The following CAPN14 variants were observed in gnomAD, a reference collection of about 807,000 sequenced individuals.
CAPN14 encodes calpain-14.
In CAPN14, 94 loss-of-function variants were observed where a neutral mutation model predicts 101.3. The observed-to-expected ratio is 0.93, with a 90% CI of 0.79 to 1.10. CAPN14 has a LOEUF of 1.10. Ranked by LOEUF, CAPN14 falls within the 50% of genes least tolerant of loss-of-function variation. The probability of loss-of-function intolerance (pLI) is 0.00; values close to 1 mark genes in which losing one functional copy is unlikely to be tolerated. For missense variants in CAPN14, 837 were observed against 828.4 expected (o/e 1.01, Z -0.13); for synonymous variants, 338 against 317.9 (o/e 1.06, Z -0.67).
intron 1 of CAPN14, among the ~76,000 whole-genome samples, chr2:31,207,933 G>A (rs2148696015): frequency 6.6e-6 from 1 of 152,292 alleles, no homozygotes; most frequent in East Asian, 1.9e-4. Flanking sequence ...AGTGATGTAT[G>A]CACAGAAGCC....
In CAPN14 at chr2:31,201,895, A is replaced by C. The variant is rs1247927616; in HGVS notation, c.518T>G (p.Phe173Cys). 3 of 1,551,622 alleles carry C rather than the reference A, an allele frequency of 1.9e-6. No homozygotes were observed. The highest frequency in any genetic ancestry group is 2.6e-6 in the Non-Finnish European group (3 of 1,147,008). The change falls in exon 5 of 22, where the codon TTC becomes TGC. Residue 173 changes from phenylalanine (F) to cysteine (C), a missense_variant. By Grantham distance (205) the Phe-to-Cys change is radical (BLOSUM62 -2). Transcript: ENST00000403897. The stretch of plus-strand genomic sequence containing the variant: ...GGCCTTTTCCAGAAGTGCTCCCCAG[A>C]ACAAGTTCTTATAGGTGGAGGAGAC... The part of the protein sequence containing the change: ...VFVSSTYKNL[F>C]WGALLEKAYA...
intron 11 of CAPN14, 39 bp downstream of exon 11, chr2:31,191,896 G>A (rs754517045): frequency 2.9e-4 from 442 of 1,499,524 alleles, no homozygotes; most frequent in Non-Finnish European, 3.6e-4. Context: ...TGACCCCCAC[G>A]CTTGGTCCCA....
chr2:31,197,245 T>C lies in CAPN14; in HGVS notation c.875+4A>G. The C allele has an allele frequency of 6.5e-7, 1 of 1,548,508 alleles. No homozygotes were observed. On this transcript the variant is annotated splice_donor_region_variant and intron_variant, in intron 8 of 21. Transcript: ENST00000403897. ...CACCCCTCCAAGATGTCCCCAAAGT[T>C]CACCTGTCACTCCAGTCTCCTTTCC...
chr2:31,191,967 G>T lies in CAPN14; in HGVS notation c.1246C>A (p.Pro416Thr), dbSNP rs1320588177. The T allele has an allele frequency of 2.4e-5, 38 of 1,551,362 alleles. No homozygotes were observed. The East Asian group carries it at 7.3e-4, about 30-fold the overall frequency. Residue 416 changes from proline (P) to threonine (T), a missense_variant, in exon 11 of 22, where the codon CCT becomes ACT. Transcript: ENST00000403897. ...AGGTAGAAGCCAATGGCGAGGAGAGGCTTCCGCTTGCGGCACCTGTGCCTG... is the reference window on the plus strand; with the variant it reads ...AGGTAGAAGCCAATGGCGAGGAGAGTCTTCCGCTTGCGGCACCTGTGCCTG... ...KPRHRCRKRK[P>T]LLAIGFYLYR... is the part of the protein sequence containing the mutation.
intron 20 of CAPN14, 42 bp downstream of exon 20, chr2:31,176,984 G>C (rs1169181337): frequency 7.3e-7 from 1 of 1,376,168 alleles, no homozygotes; most frequent in East Asian, 2.5e-5. Context: ...TCATGGGGCA[G>C]CAGAGGAAGA....
chr2:31,196,691 A>G (rs930654533), intron 8 of CAPN14, among the ~76,000 whole-genome samples: 2 of 152,142 alleles, frequency 1.3e-5, no homozygotes, highest in East Asian at 3.9e-4. Flanking sequence ...CAAAACCCGC[A>G]TTTCTTTAGG....
At chr2:31,194,524 G>T in intron 8 of CAPN14, 41 bp from the exon 9 acceptor site, 1 of 1,403,074 alleles carries the variant, frequency 7.1e-7, no homozygotes, top group Non-Finnish European at 9.9e-7. Context: ...TGGGGAGCAT[G>T]CTAGAAATTC....
intron 1 of CAPN14, among the ~76,000 whole-genome samples, chr2:31,205,886 G>A (rs1262579681): frequency 1.3e-5 from 2 of 152,000 alleles, no homozygotes; most frequent in Non-Finnish European, 2.9e-5. Context: ...CCAAGGTAGT[G>A]GGGAGTAGTG....
chr2:31,203,238 G>C, intron 2 of CAPN14, 99 bp from the exon 3 acceptor site: 1 of 867,830 alleles, frequency 1.2e-6, no homozygotes, highest in African/African-American at 1.7e-5. Flanking sequence ...TGTACTTATG[G>C]GGACAAAGAT....
chr2:31,209,321 A>G (rs923785061), intron 1 of CAPN14, among the ~76,000 whole-genome samples: 1 of 151,998 alleles, frequency 6.6e-6, no homozygotes, highest in African/African-American at 2.4e-5. Context: ...TCAGGCTTTG[A>G]TCTTCACTTC....
chr2:31,204,584 G>A (rs1572423249), intron 2 of CAPN14, among the ~76,000 whole-genome samples: 1 of 152,082 alleles, frequency 6.6e-6, no homozygotes. Context: ...ATCATGCCTA[G>A]GTAATAAAGC....
At chr2:31,179,535 G>A (rs1680489047) in intron 17 of CAPN14, among the ~76,000 whole-genome samples, 1 of 152,190 alleles carries the variant, frequency 6.6e-6, no homozygotes, top group Non-Finnish European at 1.5e-5. Flanking sequence ...AAACATACAT[G>A]TGCATGTGTC....
chr2:31,176,981 G>T, intron 20 of CAPN14, 45 bp downstream of exon 20: 1 of 1,346,786 alleles, frequency 7.4e-7, no homozygotes, highest in Non-Finnish European at 1.0e-6. Context: ...AAGTCATGGG[G>T]CAGCAGAGGA....
chr2:31,185,923 T>C (rs538601287), intron 16 of CAPN14, among the ~76,000 whole-genome samples: 3 of 152,220 alleles, frequency 2.0e-5, no homozygotes, highest in Non-Finnish European at 2.9e-5. Flanking sequence ...TAAGCCTTTC[T>C]AATAATTTAC....
At chr2:31,203,422 A>C (rs962239356) in intron 2 of CAPN14, among the ~76,000 whole-genome samples, 1 of 152,210 alleles carries the variant, frequency 6.6e-6, no homozygotes, top group African/African-American at 2.4e-5. Context: ...GTTTCTATTA[A>C]AAATGGAAAC....
At chr2:31,177,389 G>C (rs1680358540) in intron 19 of CAPN14, among the ~76,000 whole-genome samples, 1 of 152,186 alleles carries the variant, frequency 6.6e-6, no homozygotes, top group Non-Finnish European at 1.5e-5. Context: ...TATGTTACCA[G>C]CCTTCAATGA....
chr2:31,201,782 C>A, intron 5 of CAPN14, 80 bp downstream of exon 5: 1 of 1,506,100 alleles, frequency 6.6e-7, no homozygotes, highest in Non-Finnish European at 9.0e-7. Context: ...TAAACTTTAC[C>A]TGACTCCACT....
rs190025338 is a variant in CAPN14 at position 31,205,592 on chromosome 2, C to T, written c.-52-93G>A. 7.3e-4 allele frequency: 514 copies of T among 700,024 alleles called. 3 individuals carry two copies. In the African/African-American group the frequency reaches 7.5e-3, roughly 10 times the overall value. The allele number at this position is 700,024 out of a possible 1,614,324, so 43.4% of individuals were successfully genotyped here. On this transcript the variant is annotated intron_variant, in intron 1 of 21. Coordinates refer to ENST00000403897, the MANE Select transcript of CAPN14 (RefSeq NM_001145122.2). ...AGGGGAAGGATGGAGAGAATGGGAG[C>T]GGAGAAGTCAGCTGGTGAGAAAGAG...
In CAPN14 at chr2:31,191,396, C is replaced by G. The variant is rs1363041942; in HGVS notation, c.1287+3G>C. On this transcript the variant is annotated splice_donor_region_variant and intron_variant, in intron 12 of 21. Transcript: ENST00000403897. ...GGGCCACCCGGTCAAGTGCAGAACTCACCTTGTTCATCTAAAAAACAAAAA... is the reference window on the plus strand; with the variant it reads ...GGGCCACCCGGTCAAGTGCAGAACTGACCTTGTTCATCTAAAAAACAAAAA... 6.5e-6 allele frequency: 10 copies of G among 1,534,576 alleles called. No individual in the cohort carries two copies. In the Middle Eastern group the frequency reaches 5.5e-4, roughly 85 times the overall value.
Sources: gnomAD v4.1 joint callset for allele counts (sites outside exome capture counted in the v4.1 genomes callset) on GRCh38, gnomAD v4.1.1 for gene constraint, MANE v1.5 for transcripts, NCBI Gene and HGNC (gene_info 2026-07-23, HGNC 2026-07-21) for gene names.